Variants in CRY1 observed in about 807,000 individuals in gnomAD.
CRY1 encodes the protein cryptochrome circadian regulator 1.
In CRY1, 45 loss-of-function variants were observed where a neutral mutation model predicts 76.0. That is an observed-to-expected ratio of 0.59 (90% CI 0.47 to 0.76). CRY1 has a LOEUF of 0.76. Among genes scored for constraint, CRY1 ranks in the 30% least tolerant of loss-of-function variants. The pLI, the probability that CRY1 is intolerant of heterozygous loss-of-function variation, is 0.00. For synonymous variants in CRY1, 248 were observed against 244.0 expected (o/e 1.02, Z -0.15); for missense variants, 587 against 716.4 (o/e 0.82, Z 2.06).
Position 106,997,329 on chromosome 12 carries a change from G to C in CRY1, c.1550C>G (p.Ser517Cys). The change falls in exon 10 of 13, where the codon TCT becomes TGT. Residue 517 changes from serine (S) to cysteine (C), a missense_variant. Coordinates refer to ENST00000008527, the MANE Select transcript of CRY1 (RefSeq NM_004075.5). Reference sequence around the variant, plus strand: ...GCTACAACCTGGGATATTTTCTGCAGAATATCCCATGAAGCCTCCATTCCC... The same window carrying C: ...GCTACAACCTGGGATATTTTCTGCACAATATCCCATGAAGCCTCCATTCCC... Reference protein sequence around the residue: ...PNGNGGFMGYSAENIPGCSSS... With the variant: ...PNGNGGFMGYCAENIPGCSSS... 1 of 1,613,918 alleles carries C rather than the reference G, an allele frequency of 6.2e-7. No individual in the cohort carries two copies. Among genetic ancestry groups the C allele is most frequent in the Non-Finnish European group, 8.5e-7 (1 of 1,179,902 alleles).
intron 10 of CRY1, among the ~76,000 whole-genome samples, chr12:106,996,856 A>C (rs1190297474): frequency 1.3e-5 from 2 of 152,224 alleles, no homozygotes; most frequent in East Asian, 3.8e-4. Context: ...CAGACTTTAT[A>C]AGAAAAACTT....
rs1244983847 is a variant in CRY1, at chr12:106,991,992, T to C, written c.*10A>G. ...ATTTCAGCTGCAACAGTATTCCTCC[T>C]GAATGTTTTCTGTGATTTAAGGGGG... On this transcript the variant is annotated 3_prime_UTR_variant, in exon 13 of 13. Coordinates refer to ENST00000008527, the MANE Select transcript of CRY1 (RefSeq NM_004075.5). 6.6e-6 allele frequency: 1 copy of C among 152,190 alleles called. No homozygotes were observed. The highest frequency in any genetic ancestry group is 2.1e-4 in the South Asian group (1 of 4,834). The allele number at this position is 152,190 out of a possible 1,614,324, so 9.4% of individuals were successfully genotyped here.
intron 1 of CRY1, among the ~76,000 whole-genome samples, chr12:107,072,370 G>A (rs1953200019): frequency 6.6e-6 from 1 of 152,150 alleles, no homozygotes; most frequent in African/African-American, 2.4e-5. Context: ...TACTAAATTA[G>A]AGGCTAAATT....
intron 1 of CRY1, among the ~76,000 whole-genome samples, chr12:107,025,645 T>A (rs1565828861): frequency 6.6e-6 from 1 of 152,180 alleles, no homozygotes; most frequent in Admixed American, 6.5e-5. Flanking sequence ...GTTCATATTA[T>A]CTCTTGCTTG....
intron 1 of CRY1, among the ~76,000 whole-genome samples, chr12:107,055,877 A>G (rs1187307602): frequency 6.6e-6 from 1 of 152,112 alleles, no homozygotes; most frequent in Non-Finnish European, 1.5e-5. Flanking sequence ...TACTACATAT[A>G]TTTATATCAA....
chr12:107,075,144 T>C (rs1953237267), intron 1 of CRY1, among the ~76,000 whole-genome samples: 1 of 152,180 alleles, frequency 6.6e-6, no homozygotes, highest in South Asian at 2.1e-4. Context: ...CTGATGGACA[T>C]GGCTAATTTC....
chr12:106,995,753 T>A (rs892214768), intron 10 of CRY1, among the ~76,000 whole-genome samples: 4 of 152,146 alleles, frequency 2.6e-5, no homozygotes, highest in African/African-American at 9.7e-5. Flanking sequence ...GATCAACCCA[T>A]CACCTAGGTA....
At chr12:107,000,710 T>C (rs1318480903) in intron 5 of CRY1, among the ~76,000 whole-genome samples, 1 of 152,054 alleles carries the variant, frequency 6.6e-6, no homozygotes, top group Non-Finnish European at 1.5e-5. Flanking sequence ...AGTACAGTGG[T>C]ACGATCTTGG....
At chr12:107,045,781 G>C (rs1952841904) in intron 1 of CRY1, among the ~76,000 whole-genome samples, 1 of 152,100 alleles carries the variant, frequency 6.6e-6, no homozygotes, top group African/African-American at 2.4e-5. Flanking sequence ...GACACAGGAA[G>C]GGGGACATCA....
At chr12:107,064,478 T>C (rs1037308983) in intron 1 of CRY1, among the ~76,000 whole-genome samples, 3 of 152,194 alleles carry the variant, frequency 2.0e-5, no homozygotes, top group Non-Finnish European at 4.4e-5. Context: ...GCTGGTCTCA[T>C]ATATAGTCAG....
rs150984248 is a variant in CRY1 at position 107,003,043 on chromosome 12, C to T, written c.411-1095G>A. Among the ~76,000 whole-genome samples the T allele has an allele frequency of 2.0e-3, 305 of 152,204 alleles. 3 individuals are homozygous for T. The highest frequency in any genetic ancestry group is 7.0e-3 in the African/African-American group (291 of 41,532). ...CGTGAAAACAGACTAAAACAATTAC[C>T]CTATTTCCTTCAGCAAATTTTATAA... On this transcript the variant is annotated intron_variant, in intron 3 of 12. Coordinates refer to ENST00000008527, the MANE Select transcript of CRY1 (RefSeq NM_004075.5).
intron 1 of CRY1, among the ~76,000 whole-genome samples, chr12:107,024,157 T>C (rs1362800471): frequency 6.6e-6 from 1 of 152,214 alleles, no homozygotes; most frequent in East Asian, 1.9e-4. Flanking sequence ...TAATCTCTGT[T>C]GTACCATTAG....
At chr12:107,047,913 G>A (rs1288783791) in intron 1 of CRY1, among the ~76,000 whole-genome samples, 1 of 151,718 alleles carries the variant, frequency 6.6e-6, no homozygotes, top group African/African-American at 2.4e-5. Flanking sequence ...AATCAAGGTT[G>A]GTGCAAAATA....
chr12:107,038,674 A>C (rs1952764140), intron 1 of CRY1, among the ~76,000 whole-genome samples: 1 of 152,262 alleles, frequency 6.6e-6, no homozygotes, highest in Admixed American at 6.5e-5. Context: ...AAATGATAGA[A>C]TAGGAAGTCC....
intron 1 of CRY1, among the ~76,000 whole-genome samples, chr12:107,082,295 G>A (rs1953336413): frequency 6.6e-6 from 1 of 152,092 alleles, no homozygotes; most frequent in Non-Finnish European, 1.5e-5. Context: ...CAATGAGACA[G>A]AAAATTAAGA....
intron 1 of CRY1, chr12:107,072,931 T>A (rs1445154055): frequency 6.6e-6 from 1 of 152,160 alleles, no homozygotes; most frequent in Non-Finnish European, 1.5e-5. Flanking sequence ...TTATATTTAC[T>A]TACCTCACTG....
chr12:107,033,413 G>A (rs983534707), intron 1 of CRY1, among the ~76,000 whole-genome samples: 4 of 152,062 alleles, frequency 2.6e-5, no homozygotes, highest in African/African-American at 9.7e-5. Context: ...TATTTTATAA[G>A]GTTAGATTTA....
chr12:107,038,653 C>G (rs190701042), intron 1 of CRY1, among the ~76,000 whole-genome samples: 1 of 152,144 alleles, frequency 6.6e-6, no homozygotes, highest in East Asian at 1.9e-4. Context: ...GAAATAAGAA[C>G]GATGTCAGTG....
intron 5 of CRY1, among the ~76,000 whole-genome samples, chr12:107,000,383 G>C (rs1339068103): frequency 6.6e-6 from 1 of 150,846 alleles, no homozygotes; most frequent in African/African-American, 2.4e-5. Flanking sequence ...ACAGGGTCTC[G>C]CTCTGTCACC....
Sources: gnomAD v4.1 joint callset for allele counts (sites outside exome capture counted in the v4.1 genomes callset) on GRCh38, gnomAD v4.1.1 for gene constraint, MANE v1.5 for transcripts, NCBI Gene and HGNC (gene_info 2026-07-23, HGNC 2026-07-21) for gene names.